The following SKAP1 variants were observed in gnomAD, a reference collection of about 807,000 sequenced individuals.
SKAP1 encodes the protein src kinase associated phosphoprotein 1, also known as src kinase-associated phosphoprotein 1.
In SKAP1, 44 loss-of-function variants were observed where a neutral mutation model predicts 58.5. The ratio of observed to expected loss-of-function variants is 0.75; its 90% CI spans 0.59 to 0.97. The LOEUF (loss-of-function observed/expected upper bound fraction) is 0.97. Ranked by LOEUF, SKAP1 falls within the 50% of genes least tolerant of loss-of-function variation. The probability of loss-of-function intolerance (pLI) is 0.00; values close to 1 mark genes in which losing one functional copy is unlikely to be tolerated. For synonymous variants in SKAP1, 127 were observed against 149.7 expected, an observed-to-expected ratio of 0.85 and a Z score of 1.11; for missense variants, 390 against 435.2, an observed-to-expected ratio of 0.90 and a Z score of 0.92.
chr17:48,134,009 C>T (rs964956571), intron 12 of SKAP1, among the ~76,000 whole-genome samples, 193 bp from the exon 13 acceptor site: 3 of 152,104 alleles, frequency 2.0e-5, no homozygotes, highest in Admixed American at 1.3e-4. Flanking sequence ...TATATAGTCT[C>T]CAGTCCTTTT....
chr17:48,401,923 G>T (rs77827888), intron 1 of SKAP1, among the ~76,000 whole-genome samples: 3,735 of 152,220 alleles, frequency 0.025, 141 homozygotes, highest in African/African-American at 0.083. Flanking sequence ...TTATATTTCA[G>T]TAATAATAAG....
Position 48,250,278 on chromosome 17 carries a change from T to G in SKAP1, c.281-60778A>C, listed in dbSNP as rs892161681. ...TATTTTGCTGCCATAGACAGTTTTTTTTTTTTTTTTTTTTTTTTTTTGAGA... is the reference window on the plus strand; with the variant it reads ...TATTTTGCTGCCATAGACAGTTTTTGTTTTTTTTTTTTTTTTTTTTTGAGA... On this transcript the variant is annotated intron_variant, in intron 4 of 12. Coordinates refer to ENST00000336915, the MANE Select transcript of SKAP1 (RefSeq NM_003726.4). 1.8e-3 allele frequency among the ~76,000 whole-genome samples: 121 copies of G among 67,244 alleles called. 5 individuals carry two copies. The highest frequency in any genetic ancestry group is 6.0e-3 in the African/African-American group (91 of 15,178). 44.1% of individuals were successfully genotyped at this position (67,244 alleles called of 152,430 possible). A position where few individuals can be genotyped will look rare whatever the true frequency, so the allele number is the denominator to read the frequency against.
At chr17:48,157,170 T>TA (rs1345378646) in intron 11 of SKAP1, among the ~76,000 whole-genome samples, 1 of 152,068 alleles carries the variant, frequency 6.6e-6, no homozygotes, top group African/African-American at 2.4e-5. Flanking sequence ...ACCCGTCTGT[T>TA]ACAGGCACTT....
intron 9 of SKAP1, among the ~76,000 whole-genome samples, chr17:48,175,962 T>C (rs1046785920): frequency 2.0e-5 from 3 of 152,200 alleles, no homozygotes; most frequent in African/African-American, 7.2e-5. Flanking sequence ...TCTTTCTTCA[T>C]AAACTTTGTA....
At chr17:48,428,921 A>G (rs1440463963) in intron 1 of SKAP1, among the ~76,000 whole-genome samples, 4 of 152,236 alleles carry the variant, frequency 2.6e-5, no homozygotes, top group Non-Finnish European at 5.9e-5. Flanking sequence ...CCTCAAAAGA[A>G]ATATCTAGCT....
Position 48,173,198 on chromosome 17 carries a change from A to G in SKAP1, c.827-2539T>C, listed in dbSNP as rs55735115. On this transcript the variant is annotated intron_variant, in intron 9 of 12. Transcript: ENST00000336915. Reference sequence around the variant, plus strand: ...GAGACCTTGTCTCTAAAAAAAAAAAAGGACGGATACTCTGGGAAATAAAAT... The same window carrying G: ...GAGACCTTGTCTCTAAAAAAAAAAAGGGACGGATACTCTGGGAAATAAAAT... 7.9e-3 allele frequency among the ~76,000 whole-genome samples: 1,198 copies of G among 151,124 alleles called. 9 individuals are homozygous for G. Among genetic ancestry groups the G allele is most frequent in the Non-Finnish European group, 0.013 (897 of 67,754 alleles).
At chr17:48,167,129 G>A (rs2064150616) in intron 10 of SKAP1, among the ~76,000 whole-genome samples, 1 of 152,162 alleles carries the variant, frequency 6.6e-6, no homozygotes, top group Admixed American at 6.5e-5. Flanking sequence ...GCCTCCCAAA[G>A]TGCTGGAATT....
intron 4 of SKAP1, among the ~76,000 whole-genome samples, chr17:48,331,435 C>T (rs1377358887): frequency 1.3e-5 from 2 of 152,136 alleles, no homozygotes; most frequent in South Asian, 2.1e-4. Context: ...CGTGGTGGCT[C>T]ACACCTGTAA....
chr17:48,361,244 T>C (rs1414040517), intron 3 of SKAP1, among the ~76,000 whole-genome samples: 1 of 151,682 alleles, frequency 6.6e-6, no homozygotes, highest in African/African-American at 2.4e-5. Flanking sequence ...TTGCTCGTGT[T>C]GCCCAGGCTT....
intron 2 of SKAP1, among the ~76,000 whole-genome samples, chr17:48,370,631 G>C: frequency 6.6e-6 from 1 of 152,132 alleles, no homozygotes; most frequent in Admixed American, 6.5e-5. Context: ...AGAAACAACA[G>C]GTGCTGGTGA....
intron 10 of SKAP1, among the ~76,000 whole-genome samples, chr17:48,168,980 T>C (rs1213208258): frequency 1.3e-5 from 2 of 152,200 alleles, no homozygotes; most frequent in Non-Finnish European, 2.9e-5. Context: ...CAAAAAGTCC[T>C]CCTGTTTTTT....
intron 2 of SKAP1, among the ~76,000 whole-genome samples, chr17:48,386,744 G>A (rs1311085749): frequency 6.6e-6 from 1 of 152,208 alleles, no homozygotes; most frequent in Non-Finnish European, 1.5e-5. Flanking sequence ...GAGCAGGGAA[G>A]GGAAGCTAGA....
rs2067762714 is a variant in SKAP1, at chr17:48,418,886, T to C, written c.46+11189A>G. ...TAGAAGTCAGAACAGTTATTAGCTC[T>C]GGGAGGGAATACTGACTGGAAAGGA... is the stretch of plus-strand genomic sequence containing the variant. On this transcript the variant is annotated intron_variant, in intron 1 of 12. Transcript: ENST00000336915. 2.0e-5 allele frequency among the ~76,000 whole-genome samples: 3 copies of C among 152,160 alleles called. No homozygotes were observed. In the South Asian group the frequency reaches 6.2e-4, roughly 31 times the overall value.
chr17:48,363,592 G>T (rs1395653684), intron 3 of SKAP1, among the ~76,000 whole-genome samples, 197 bp downstream of exon 3: 1 of 152,200 alleles, frequency 6.6e-6, no homozygotes, highest in Non-Finnish European at 1.5e-5. Context: ...CTCAGAAGGA[G>T]GAAGCATAGA....
chr17:48,304,031 A>G (rs1464532170), intron 4 of SKAP1, among the ~76,000 whole-genome samples: 5 of 152,188 alleles, frequency 3.3e-5, no homozygotes, highest in Non-Finnish European at 7.4e-5. Flanking sequence ...TGAGTTTTCA[A>G]GTTAAAAGAA....
chr17:48,289,457 C>G (rs1424147462), intron 4 of SKAP1, among the ~76,000 whole-genome samples: 1 of 152,082 alleles, frequency 6.6e-6, no homozygotes, highest in African/African-American at 2.4e-5. Context: ...AGTAATTTCA[C>G]AGCATTATTT....
At chr17:48,314,811 C>T (rs1346489944) in intron 4 of SKAP1, among the ~76,000 whole-genome samples, 1 of 152,170 alleles carries the variant, frequency 6.6e-6, no homozygotes, top group African/African-American at 2.4e-5. Context: ...CACTTCTACC[C>T]AAGAACCTGA....
the SKAP1 span, among the ~76,000 whole-genome samples, chr17:48,437,298 G>C: frequency 6.6e-6 from 1 of 152,166 alleles, no homozygotes; most frequent in Non-Finnish European, 1.5e-5. Context: ...TCCCGTTTCT[G>C]GCTCTGCCAC....
At chr17:48,136,964 T>A (rs1410160362) in intron 12 of SKAP1, 1 of 304,570 alleles carries the variant, frequency 3.3e-6, no homozygotes, top group Non-Finnish European at 6.3e-6. Flanking sequence ...CCACTGTGCC[T>A]GGCTTTCTGT....
Sources: allele counts gnomAD v4.1 joint callset (sites outside exome capture counted in the v4.1 genomes callset), GRCh38; gene constraint gnomAD v4.1.1; transcripts MANE v1.5; gene names NCBI Gene and HGNC (gene_info 2026-07-23, HGNC 2026-07-21).